The following SNX14 variants were observed in gnomAD, a reference collection of about 807,000 sequenced individuals.
The protein encoded by SNX14 is sorting nexin 14.
Under a neutral mutation model 133.8 loss-of-function variants are expected in SNX14, and 93 were observed. The observed-to-expected ratio is 0.70, with a 90% confidence interval of 0.59 to 0.83. SNX14 has a LOEUF of 0.83. SNX14 is among the 40% of genes least tolerant of loss of function. The probability of loss-of-function intolerance (pLI) is 0.00; values close to 1 mark genes in which losing one functional copy is unlikely to be tolerated. For missense variants in SNX14, 945 were observed against 1,094.9 expected (o/e 0.86, Z 1.93); for synonymous variants, 368 against 365.6 (o/e 1.01, Z -0.07).
intron 21 of SNX14, among the ~76,000 whole-genome samples, chr6:85,521,318 C>T (rs1011452265): frequency 1.3e-5 from 2 of 152,078 alleles, no homozygotes; most frequent in Non-Finnish European, 2.9e-5. Context: ...ACTGTAACCT[C>T]GAACTTTCTG....
chr6:85,547,161 A>G lies in SNX14; in HGVS notation c.1059T>C (p.Phe353=), dbSNP rs748869973. The G allele has an allele frequency of 1.9e-6, 3 of 1,613,960 alleles. No individual in the cohort carries two copies. Among genetic ancestry groups the G allele is most frequent in the Middle Eastern group, 3.3e-4 (2 of 6,084 alleles). ...CGTGCACTGCGCCTTCTTGTTTCAG[A>G]AAGTTCATAAAACGAAATAAAAGAT... is the stretch of plus-strand genomic sequence containing the variant. ...QQDLLFRFMN[F]LKQEGAVHVL... The change falls in exon 12 of 29, where the codon TTT becomes TTC. Residue 353 remains phenylalanine (F), a synonymous_variant. Transcript: ENST00000314673.
chr6:85,505,768 A>T lies in SNX14; in HGVS notation c.*199T>A, dbSNP rs956120209. 1.1e-5 allele frequency: 6 copies of T among 552,188 alleles called. No homozygotes were observed. In the African/African-American group the frequency reaches 1.2e-4, roughly 11 times the overall value. The allele number at this position is 552,188 out of a possible 1,614,324, so 34.2% of individuals were successfully genotyped here. A position where few individuals can be genotyped will look rare whatever the true frequency, so the allele number is the denominator to read the frequency against. On this transcript the variant is annotated 3_prime_UTR_variant, in exon 29 of 29. Coordinates refer to ENST00000314673, the MANE Select transcript of SNX14 (RefSeq NM_153816.6). ...TATGTTCTAATAAAATTTGGATCAC[A>T]GCTAGCAAATGAAAGACTATGAGAC...
intron 3 of SNX14, 21 bp from the exon 4 acceptor site, chr6:85,572,236 T>C: frequency 6.2e-7 from 1 of 1,612,598 alleles, no homozygotes; most frequent in East Asian, 2.2e-5. Context: ...ATTATACAAC[T>C]AAATCACTTG....
intron 6 of SNX14, among the ~76,000 whole-genome samples, chr6:85,561,977 T>A (rs1791799632): frequency 6.6e-6 from 1 of 152,090 alleles, no homozygotes; most frequent in African/African-American, 2.4e-5. Context: ...CATAAGCAGT[T>A]TTTTTATCCT....
rs182889855 is a variant in SNX14, at chr6:85,534,096, C to T, written c.1609-296G>A. 9.5e-4 allele frequency among the ~76,000 whole-genome samples: 144 copies of T among 152,150 alleles called. 1 individual carries two copies. The highest frequency in any genetic ancestry group is 1.5e-3 in the Non-Finnish European group (102 of 68,010). ...GCTGAGGTGGGAGGATTGCTTGGGC[C>T]CAGGAGTTTGAGACTAGCCTGGGAA... is the stretch of plus-strand genomic sequence containing the variant. On this transcript the variant is annotated intron_variant, in intron 17 of 28. Transcript: ENST00000314673.
intron 5 of SNX14, among the ~76,000 whole-genome samples, chr6:85,566,366 C>A (rs1447282950): frequency 6.6e-6 from 1 of 151,932 alleles, no homozygotes; most frequent in Non-Finnish European, 1.5e-5. Context: ...GTCTTAAACA[C>A]TCTGGGTGAA....
At chr6:85,527,101 A>G (rs1391284946) in intron 20 of SNX14, among the ~76,000 whole-genome samples, 1 of 152,162 alleles carries the variant, frequency 6.6e-6, no homozygotes, top group Non-Finnish European at 1.5e-5. Context: ...AAAGACTTTT[A>G]AAAGCCAAAA....
intron 21 of SNX14, 66 bp downstream of exon 21, chr6:85,526,060 A>T: frequency 9.4e-7 from 1 of 1,064,298 alleles, no homozygotes; most frequent in African/African-American, 1.6e-5. Flanking sequence ...TATTTTTCTA[A>T]GTTAATCTGA....
chr6:85,520,468 C>G (rs944159223), intron 21 of SNX14, among the ~76,000 whole-genome samples: 16 of 151,836 alleles, frequency 1.1e-4, no homozygotes, highest in Non-Finnish European at 1.5e-4. Flanking sequence ...AGCAATTCTC[C>G]TGCCTCAGCC....
chr6:85,533,298 A>G (rs930406892), intron 18 of SNX14, among the ~76,000 whole-genome samples: 1 of 152,274 alleles, frequency 6.6e-6, no homozygotes, highest in Non-Finnish European at 1.5e-5. Context: ...TAATTAAGTA[A>G]GTGCAATGGC....
chr6:85,518,157 T>C, intron 21 of SNX14, 109 bp from the exon 22 acceptor site: 1 of 854,778 alleles, frequency 1.2e-6, no homozygotes, highest in Middle Eastern at 3.7e-4. Flanking sequence ...AAGTTAAAAC[T>C]GTAAAAGTAT....
chr6:85,564,186 G>A (rs2128161914), intron 6 of SNX14, among the ~76,000 whole-genome samples: 2 of 152,280 alleles, frequency 1.3e-5, no homozygotes, highest in South Asian at 4.1e-4. Flanking sequence ...GGACATTTGG[G>A]TTGGTTCCAA....
chr6:85,535,055 C>A (rs1781489261), intron 17 of SNX14, among the ~76,000 whole-genome samples: 1 of 129,774 alleles, frequency 7.7e-6, no homozygotes, highest in African/African-American at 3.0e-5. Flanking sequence ...TTGAGACAGG[C>A]TTTTATTCTG....
intron 1 of SNX14, among the ~76,000 whole-genome samples, chr6:85,579,555 C>G (rs1798407676): frequency 6.6e-6 from 1 of 152,172 alleles, no homozygotes; most frequent in Non-Finnish European, 1.5e-5. Context: ...CTTTCTGCAG[C>G]CCCCAGAAGT....
At chr6:85,562,582 C>CTTTTTTTTTTTTTTTTTTTTTTTTTT (rs201175458) in intron 6 of SNX14, among the ~76,000 whole-genome samples, 1 of 94,846 alleles carries the variant, frequency 1.1e-5, no homozygotes, top group African/African-American at 4.2e-5. Flanking sequence ...ACTTTTTGGG[C>CTTTTTTTTTTTTTTTTTTTTTTTTTT]TTTTTTTTTT....
At chr6:85,567,321 T>A (rs573789999) in intron 5 of SNX14, among the ~76,000 whole-genome samples, 1 of 151,964 alleles carries the variant, frequency 6.6e-6, no homozygotes, top group Non-Finnish European at 1.5e-5. Context: ...GTGGCAGAGA[T>A]GTCTGTTACT....
chr6:85,582,126 G>C (rs1370475585), intron 1 of SNX14, among the ~76,000 whole-genome samples: 1 of 152,106 alleles, frequency 6.6e-6, no homozygotes, highest in Non-Finnish European at 1.5e-5. Flanking sequence ...ACATACAATG[G>C]AGCTCCAACG....
chr6:85,537,375 T>G (rs1782280828), intron 16 of SNX14, among the ~76,000 whole-genome samples: 1 of 152,190 alleles, frequency 6.6e-6, no homozygotes, highest in Non-Finnish European at 1.5e-5. Flanking sequence ...AACTATTACT[T>G]TCTCAGTACT....
rs34519767 is a variant in SNX14, at chr6:85,574,119, C to CAA, written c.261+137_261+138dup. On this transcript the variant is annotated intron_variant, in intron 2 of 28. Coordinates refer to ENST00000314673, the MANE Select transcript of SNX14 (RefSeq NM_153816.6). ...CTTTTAGCAGAGTACCTAAAAAAAA[C>CAA]AAAAAAAAAAAAGAGAAGAAATTGA... The CAA allele has an allele frequency of 0.13, 51,719 of 405,628 alleles. 101 individuals are homozygous for CAA. Among genetic ancestry groups the CAA allele is most frequent in the Non-Finnish European group, 0.14 (36,154 of 251,356 alleles). 25.1% of individuals were successfully genotyped at this position (405,628 alleles called of 1,614,324 possible).
Sources: gnomAD v4.1 joint callset for allele counts (sites outside exome capture counted in the v4.1 genomes callset) on GRCh38, gnomAD v4.1.1 for gene constraint, MANE v1.5 for transcripts, NCBI Gene and HGNC (gene_info 2026-07-23, HGNC 2026-07-21) for gene names.